KCNT1: variants seen among roughly 807,000 people sequenced by gnomAD.
The protein encoded by KCNT1 is potassium channel subfamily T member 1.
Under a neutral mutation model 147.8 loss-of-function variants are expected in KCNT1, and 78 were observed. The ratio of observed to expected loss-of-function variants is 0.53; its 90% CI spans 0.44 to 0.64. The LOEUF (loss-of-function observed/expected upper bound fraction) is 0.64, where lower values mean the gene tolerates loss of function less well. Among genes scored for constraint, KCNT1 ranks in the 30% least tolerant of loss-of-function variants. The pLI, the probability that KCNT1 is intolerant of heterozygous loss-of-function variation, is 0.00. For synonymous variants in KCNT1, 867 were observed against 748.8 expected, an observed-to-expected ratio of 1.16 and a Z score of -2.58; for missense variants, 1,419 against 1,750.3, an observed-to-expected ratio of 0.81 and a Z score of 3.38.
Position 135,702,200 on chromosome 9 carries a change from A to C in KCNT1, c.-59A>C. The C allele has an allele frequency of 8.0e-7, 1 of 1,246,612 alleles. No individual in the cohort carries two copies. Among genetic ancestry groups the C allele is most frequent in the Non-Finnish European group, 1.2e-6 (1 of 864,262 alleles). The allele number at this position is 1,246,612 out of a possible 1,614,324, so 77.2% of individuals were successfully genotyped here. On this transcript the variant is annotated 5_prime_UTR_variant, in exon 1 of 31. Transcript: ENST00000371757. ...AATGTTTTTCAGGGCAACGCGAGGG[A>C]AGAAGGTGGCGGCTCCCACTCGCTT...
At chr9:135,769,504 A>T (rs1330703529) in intron 15 of KCNT1, among the ~76,000 whole-genome samples, 1 of 152,180 alleles carries the variant, frequency 6.6e-6, no homozygotes, top group Non-Finnish European at 1.5e-5. Flanking sequence ...ATGAAGTCTT[A>T]TGCTGGGATC....
intron 19 of KCNT1, among the ~76,000 whole-genome samples, chr9:135,774,982 G>A (rs1013417803): frequency 2.0e-5 from 3 of 152,092 alleles, no homozygotes; most frequent in East Asian, 1.9e-4. Flanking sequence ...CTGCTGACCC[G>A]CCAGGCAGGC....
At chr9:135,768,562 T>TGCCCACCTCCCCTGCTCCACC in intron 13 of KCNT1, 48 bp from the exon 14 acceptor site, 1 of 1,502,378 alleles carries the variant, frequency 6.7e-7, no homozygotes, top group South Asian at 1.2e-5. Flanking sequence ...CCGGCTGCAC[T>TGCCCACCTCCCCTGCTCCACC]GCCCACCTCC....
intron 18 of KCNT1, 193 bp downstream of exon 18, chr9:135,771,288 AGGTGGGACAGGAGACCAGACCG>A: frequency 8.1e-6 from 5 of 616,568 alleles, no homozygotes; most frequent in African/African-American, 7.4e-5. Context: ...GCGGGAGACC[AGGTGGGACAGGAGACCAGACCG>A]GGCAGGGCAG....
intron 11 of KCNT1, among the ~76,000 whole-genome samples, chr9:135,764,459 CAAAAAA>C (rs750258854): frequency 2.0e-5 from 3 of 151,782 alleles, no homozygotes; most frequent in Admixed American, 2.0e-4. Context: ...GCCTCCGTCT[CAAAAAA>C]AAGAAAAGCC....
At chr9:135,741,271 G>A (rs935095874) in intron 2 of KCNT1, among the ~76,000 whole-genome samples, 24 of 152,328 alleles carry the variant, frequency 1.6e-4, no homozygotes, top group African/African-American at 4.8e-4. Flanking sequence ...AGAGGGACGC[G>A]GCCAGGGAGC....
chr9:135,759,948 C>A, intron 11 of KCNT1, 89 bp downstream of exon 11: 1 of 1,283,474 alleles, frequency 7.8e-7, no homozygotes, highest in Non-Finnish European at 1.1e-6. Context: ...GGCTGTGGCA[C>A]AGTGCGGGGG....
intron 2 of KCNT1, among the ~76,000 whole-genome samples, chr9:135,735,142 G>A (rs1009540208): frequency 6.6e-6 from 1 of 152,182 alleles, no homozygotes; most frequent in African/African-American, 2.4e-5. Context: ...GCTCTCCCCT[G>A]GGGTAGACCC....
At chr9:135,784,481 G>T in intron 25 of KCNT1, 54 bp from the exon 26 acceptor site, 2 of 598,690 alleles carry the variant, frequency 3.3e-6, no homozygotes, top group Non-Finnish European at 6.1e-6. Flanking sequence ...GCCTCACTGT[G>T]GCTCCCTCCC....
intron 5 of KCNT1, 91 bp downstream of exon 5, chr9:135,754,084 G>A (rs373919196): frequency 8.4e-7 from 1 of 1,195,514 alleles, no homozygotes; most frequent in Non-Finnish European, 1.2e-6. Flanking sequence ...GCTCCCAATA[G>A]CCAGGCGCTC....
intron 13 of KCNT1, among the ~76,000 whole-genome samples, chr9:135,766,514 TGGTGGACCCTCTTG>T (rs1832296300): frequency 7.3e-6 from 1 of 137,694 alleles, no homozygotes; most frequent in Admixed American, 7.1e-5. Flanking sequence ...GGGCCATCCA[TGGTGGACCCTCTTG>T]GGTGGACCAT....
chr9:135,770,763 G>A (rs935654133), intron 17 of KCNT1, 94 bp from the exon 18 acceptor site: 40 of 1,224,832 alleles, frequency 3.3e-5, no homozygotes, highest in Non-Finnish European at 4.0e-5. Context: ...GCGGAGCTCC[G>A]GTGGGGACTC....
Position 135,772,098 on chromosome 9 carries a change from C to T in KCNT1, c.2009-617C>T, listed in dbSNP as rs529037014. On this transcript the variant is annotated intron_variant, in intron 18 of 30. Transcript: ENST00000371757. ...GTCTACGGCAGCTCACTCGGGGGGCCGGGCCTGGCCGCAGGGCACTGGGGA... is the reference window on the plus strand; with the variant it reads ...GTCTACGGCAGCTCACTCGGGGGGCTGGGCCTGGCCGCAGGGCACTGGGGA... Among the ~76,000 whole-genome samples, 58 of 152,324 alleles carry T rather than the reference C, an allele frequency of 3.8e-4. No individual in the cohort carries two copies. The Middle Eastern group carries it at 0.014, about 36-fold the overall frequency.
At chr9:135,783,750 C>T (rs532760742) in intron 24 of KCNT1, among the ~76,000 whole-genome samples, 18 of 152,360 alleles carry the variant, frequency 1.2e-4, no homozygotes, top group Admixed American at 9.1e-4. Context: ...ATGGCAGCCG[C>T]CGGGAGTCCA....
intron 6 of KCNT1, among the ~76,000 whole-genome samples, chr9:135,756,220 G>A (rs66913146): frequency 0.11 from 17,334 of 152,046 alleles, 1,236 homozygotes; most frequent in South Asian, 0.18. Flanking sequence ...GCTGAGGACC[G>A]ACCCAGGCTC....
intron 1 of KCNT1, among the ~76,000 whole-genome samples, chr9:135,713,519 A>G (rs1835589846): frequency 1.3e-5 from 2 of 152,114 alleles, no homozygotes; most frequent in Admixed American, 6.5e-5. Context: ...GAGGAGAGAG[A>G]GGAGAGTTTT....
rs780822450 is a variant in KCNT1, at chr9:135,785,020, T to C, written c.3156+131T>C. The C allele has an allele frequency of 1.2e-4, 169 of 1,393,950 alleles. 1 individual carries two copies. The highest frequency in any genetic ancestry group is 8.6e-5 in the Admixed American group (4 of 46,462). 86.3% of individuals were successfully genotyped at this position (1,393,950 alleles called of 1,614,324 possible). ...TGACCCACAGCATCCCCACCTTCAGTGTCAGGGACCTGGGCTAGATCAGCT... is the reference window on the plus strand; with the variant it reads ...TGACCCACAGCATCCCCACCTTCAGCGTCAGGGACCTGGGCTAGATCAGCT... On this transcript the variant is annotated intron_variant, in intron 27 of 30. Transcript: ENST00000371757.
chr9:135,742,573 C>A (rs954119556), intron 2 of KCNT1, among the ~76,000 whole-genome samples: 1 of 151,584 alleles, frequency 6.6e-6, no homozygotes, highest in Non-Finnish European at 1.5e-5. Flanking sequence ...CCCACAGGCA[C>A]CTCTCCCGTG....
chr9:135,706,493 C>T (rs1439886655), intron 1 of KCNT1, among the ~76,000 whole-genome samples: 3 of 152,208 alleles, frequency 2.0e-5, no homozygotes, highest in East Asian at 3.9e-4. Flanking sequence ...TTGGCACCGT[C>T]GCCCTGGGGC....
Sources: gnomAD v4.1 joint callset for allele counts (sites outside exome capture counted in the v4.1 genomes callset) on GRCh38, gnomAD v4.1.1 for gene constraint, MANE v1.5 for transcripts, NCBI Gene and HGNC (gene_info 2026-07-23, HGNC 2026-07-21) for gene names.